Variants in PPARA observed in about 807,000 individuals in gnomAD.
PPARA encodes peroxisome proliferator-activated receptor alpha.
Under a neutral mutation model 42.2 loss-of-function variants are expected in PPARA, and 22 were observed. The observed-to-expected ratio is 0.52, with a 90% confidence interval of 0.37 to 0.74. PPARA has a LOEUF of 0.74. Among genes scored for constraint, PPARA ranks in the 30% least tolerant of loss-of-function variants. The pLI is 0.00. For missense variants in PPARA, 465 were observed against 608.2 expected, an observed-to-expected ratio of 0.76 and a Z score of 2.48; for synonymous variants, 242 against 239.3, an observed-to-expected ratio of 1.01 and a Z score of -0.10.
chr22:46,215,626 C>T (rs1046953059), intron 5 of PPARA, among the ~76,000 whole-genome samples: 1 of 151,888 alleles, frequency 6.6e-6, no homozygotes, highest in African/African-American at 2.4e-5. Flanking sequence ...CCTGTAAGCC[C>T]AGCTACTCGA....
Position 46,163,585 on chromosome 22 carries a change from T to G in PPARA, c.-127+11615T>G, listed in dbSNP as rs1926549483. On this transcript the variant is annotated intron_variant, in intron 2 of 8. Transcript: ENST00000407236. This position sits in a 1 kb window ranked among gnomAD's most constrained non-coding sequence, Gnocchi z 4.9. ...TTGATAGAAATGAGAGGTAGATGAT[T>G]CCCTAGACAAATGCAGGCCTTTCTC... 1 of 152,216 alleles carries G rather than the reference T, an allele frequency of 6.6e-6. No homozygotes were observed. Among genetic ancestry groups the G allele is most frequent in the South Asian group, 2.1e-4 (1 of 4,836 alleles). The allele number at this position is 152,216 out of a possible 1,614,324, so 9.4% of individuals were successfully genotyped here.
intron 3 of PPARA, among the ~76,000 whole-genome samples, chr22:46,189,957 G>A (rs368816560): frequency 6.6e-6 from 1 of 151,980 alleles, no homozygotes; most frequent in African/African-American, 2.4e-5. Flanking sequence ...CGCCCACCTC[G>A]GCCTCCCAAA....
intron 7 of PPARA, among the ~76,000 whole-genome samples, chr22:46,220,876 G>A (rs1934945992): frequency 1.3e-5 from 2 of 151,964 alleles, no homozygotes; most frequent in South Asian, 4.1e-4. Flanking sequence ...CCGGGAGGCA[G>A]AGGTTACAGC....
At chr22:46,186,072 C>A (rs1034642877) in intron 3 of PPARA, among the ~76,000 whole-genome samples, 1 of 148,770 alleles carries the variant, frequency 6.7e-6, no homozygotes, top group Non-Finnish European at 1.5e-5. Flanking sequence ...TGAGTTGGCC[C>A]CTAAAAGTTA....
At chr22:46,176,418 G>A (rs985780111) in intron 2 of PPARA, among the ~76,000 whole-genome samples, 10 of 149,822 alleles carry the variant, frequency 6.7e-5, no homozygotes, top group East Asian at 2.0e-4. Flanking sequence ...CCCAGGAGGC[G>A]GAGGTTACAA....
chr22:46,203,690 TCA>T lies in PPARA; in HGVS notation c.208+5102_208+5103del, dbSNP rs1932971228. Among the ~76,000 whole-genome samples the T allele has an allele frequency of 1.3e-5, 2 of 152,332 alleles. No individual in the cohort carries two copies. The highest frequency in any genetic ancestry group is 4.1e-4 in the South Asian group (2 of 4,830). ...GGGATCCTGCCAATGAGTTCCCAGC[TCA>T]CAGACTGATTAGCAGGCCACCACAC... On this transcript the variant is annotated intron_variant, in intron 4 of 8. Transcript: ENST00000407236. The surrounding 1 kb of genome is among the most constrained non-coding windows in gnomAD (Gnocchi z 5.8).
Position 46,216,157 on chromosome 22 carries a change from TG to T in PPARA, c.369+826del, listed in dbSNP as rs1934466658. On this transcript the variant is annotated intron_variant, in intron 5 of 8. Coordinates refer to ENST00000407236, the MANE Select transcript of PPARA (RefSeq NM_005036.6). The surrounding 1 kb of genome is among the most constrained non-coding windows in gnomAD (Gnocchi z 4.5). ...CAGCACTTTGGGAGGCCGAGGCGGCTGGATCACCTGAGGTCAGGAGTTCAAG... is the reference window on the plus strand; with the variant it reads ...CAGCACTTTGGGAGGCCGAGGCGGCTGATCACCTGAGGTCAGGAGTTCAAG... Among the ~76,000 whole-genome samples the T allele has an allele frequency of 6.6e-6, 1 of 152,106 alleles. No homozygotes were observed. Among genetic ancestry groups the T allele is most frequent in the East Asian group, 1.9e-4 (1 of 5,180 alleles).
At position 46,225,599 on chromosome 22, in the gene PPARA, TCACA is replaced by T. The variant is rs895868796; in HGVS notation, c.711+5588_711+5591del. ...CATGCTCACACACATGCACCCACAG[TCACA>T]CATCCATGCATGCATGTGTACACAA... is the stretch of plus-strand genomic sequence containing the variant. On this transcript the variant is annotated intron_variant, in intron 7 of 8. Transcript: ENST00000407236. This position sits in a 1 kb window ranked among gnomAD's most constrained non-coding sequence, Gnocchi z 4.1. Among the ~76,000 whole-genome samples the T allele has an allele frequency of 8.0e-6, 1 of 124,716 alleles. No individual in the cohort carries two copies. The highest frequency in any genetic ancestry group is 1.7e-5 in the Non-Finnish European group (1 of 57,218). 81.8% of individuals were successfully genotyped at this position (124,716 alleles called of 152,430 possible).
Position 46,240,459 on chromosome 22 carries a change from G to C in PPARA, c.*5079G>C. The C allele has an allele frequency of 2.5e-6, 1 of 392,478 alleles. No individual in the cohort carries two copies. Among genetic ancestry groups the C allele is most frequent in the Non-Finnish European group, 4.5e-6 (1 of 222,836 alleles). 24.3% of individuals were successfully genotyped at this position (392,478 alleles called of 1,614,324 possible). A position where few individuals can be genotyped will look rare whatever the true frequency, so the allele number is the denominator to read the frequency against. ...CCTTGTCCTCAGCTCCCATCTCCTG[G>C]ACTGCCAGCCTCACCCTCTGCAGTT... On this transcript the variant is annotated 3_prime_UTR_variant, in exon 9 of 9. Transcript: ENST00000407236. The surrounding 1 kb of genome is among the most constrained non-coding windows in gnomAD (Gnocchi z 6.0).
chr22:46,216,827 G>C lies in PPARA; in HGVS notation c.370-1436G>C, dbSNP rs1445822848. On this transcript the variant is annotated intron_variant, in intron 5 of 8. Transcript: ENST00000407236. This position sits in a 1 kb window ranked among gnomAD's most constrained non-coding sequence, Gnocchi z 4.5. ...GTTTGTCAGCGTGGTGATGAGGAGAGCTCCTGTAGCAGCGTCCCTTTAGGG... is the reference window on the plus strand; with the variant it reads ...GTTTGTCAGCGTGGTGATGAGGAGACCTCCTGTAGCAGCGTCCCTTTAGGG... Among the ~76,000 whole-genome samples, 1 of 152,218 alleles carries C rather than the reference G, an allele frequency of 6.6e-6. No individual in the cohort carries two copies. The highest frequency in any genetic ancestry group is 2.4e-5 in the African/African-American group (1 of 41,470).
rs1255191153 is a variant in PPARA at position 46,187,697 on chromosome 22, A to G, written c.-42-10645A>G. On this transcript the variant is annotated intron_variant, in intron 3 of 8. Transcript: ENST00000407236. This position sits in a 1 kb window ranked among gnomAD's most constrained non-coding sequence, Gnocchi z 4.9. ...GAAATCCAAACTCCTAAACATGGGGATTAACAATGTGCCATGATTGGCACT... is the reference window on the plus strand; with the variant it reads ...GAAATCCAAACTCCTAAACATGGGGGTTAACAATGTGCCATGATTGGCACT... Among the ~76,000 whole-genome samples the G allele has an allele frequency of 6.6e-6, 1 of 152,152 alleles. No homozygotes were observed. The highest frequency in any genetic ancestry group is 1.9e-4 in the East Asian group (1 of 5,190).
rs1381599959 is a variant in PPARA at position 46,161,878 on chromosome 22, C to CCA, written c.-127+9909_-127+9910insAC. Among the ~76,000 whole-genome samples, 6 of 152,170 alleles carry CCA rather than the reference C, an allele frequency of 3.9e-5. No individual in the cohort carries two copies. The highest frequency in any genetic ancestry group is 3.9e-4 in the Admixed American group (6 of 15,286). ...CACCCCCTCTGGCTCCACGAGGCCC[C>CCA]CTGTACGTCACCATCACCTTTGTGA... On this transcript the variant is annotated intron_variant, in intron 2 of 8. Coordinates refer to ENST00000407236, the MANE Select transcript of PPARA (RefSeq NM_005036.6). This position sits in a 1 kb window ranked among gnomAD's most constrained non-coding sequence, Gnocchi z 4.8.
At position 46,212,767 on chromosome 22, in the gene PPARA, G is replaced by A. The variant is rs1023597814; in HGVS notation, c.209-2406G>A. Among the ~76,000 whole-genome samples, 14 of 152,132 alleles carry A rather than the reference G, an allele frequency of 9.2e-5. No homozygotes were observed. The highest frequency in any genetic ancestry group is 3.2e-3 in the Middle Eastern group (1 of 316). On this transcript the variant is annotated intron_variant, in intron 4 of 8. Coordinates refer to ENST00000407236, the MANE Select transcript of PPARA (RefSeq NM_005036.6). This position sits in a 1 kb window ranked among gnomAD's most constrained non-coding sequence, Gnocchi z 4.2. ...TCCCAGCATTTTGGGAGGCCAAGGC[G>A]GGCAGATCACTTGAGGTCAGGAGTT...
chr22:46,219,410 G>A lies in PPARA; in HGVS notation c.509-402G>A, dbSNP rs1274541224. Among the ~76,000 whole-genome samples the A allele has an allele frequency of 6.6e-6, 1 of 152,208 alleles. No homozygotes were observed. Among genetic ancestry groups the A allele is most frequent in the African/African-American group, 2.4e-5 (1 of 41,452 alleles). On this transcript the variant is annotated intron_variant, in intron 6 of 8. Transcript: ENST00000407236. The surrounding 1 kb of genome is among the most constrained non-coding windows in gnomAD (Gnocchi z 4.8). The stretch of plus-strand genomic sequence containing the variant: ...AGAACATGCTAATTGTGATGTGAAT[G>A]TAAGTCGTTCATAAGAGTTGCATGT...
intron 2 of PPARA, chr22:46,164,432 T>C (rs1373102815): frequency 6.6e-6 from 1 of 152,098 alleles, no homozygotes; most frequent in Non-Finnish European, 1.5e-5. Flanking sequence ...TTTGTATTTT[T>C]AGTAGAGACA....
chr22:46,168,613 T>A (rs893965761), intron 2 of PPARA, among the ~76,000 whole-genome samples: 1 of 151,830 alleles, frequency 6.6e-6, no homozygotes, highest in South Asian at 2.1e-4. Context: ...ATGAACTAAC[T>A]CTTCAACAAT....
Position 46,180,170 on chromosome 22 carries a change from C to T in PPARA, c.-43+3334C>T, listed in dbSNP as rs1454936629. ...ACAGGAAGGTAAAATGATACAAACA[C>T]ATTGAAAAACAGGTTGGCAGTTGCT... On this transcript the variant is annotated intron_variant, in intron 3 of 8. Coordinates refer to ENST00000407236, the MANE Select transcript of PPARA (RefSeq NM_005036.6). The surrounding 1 kb of genome is among the most constrained non-coding windows in gnomAD (Gnocchi z 4.2). Among the ~76,000 whole-genome samples, 1 of 149,688 alleles carries T rather than the reference C, an allele frequency of 6.7e-6. No individual in the cohort carries two copies. The highest frequency in any genetic ancestry group is 2.1e-4 in the South Asian group (1 of 4,766).
chr22:46,177,069 G>GT (rs1415441643), intron 3 of PPARA, among the ~76,000 whole-genome samples: 2 of 151,994 alleles, frequency 1.3e-5, no homozygotes, highest in Non-Finnish European at 2.9e-5. Flanking sequence ...AAATTAGCCG[G>GT]GCATGGTGGC....
chr22:46,211,355 C>A lies in PPARA; in HGVS notation c.209-3818C>A, dbSNP rs1933911541. 6.6e-6 allele frequency among the ~76,000 whole-genome samples: 1 copy of A among 152,154 alleles called. No individual in the cohort carries two copies. The highest frequency in any genetic ancestry group is 1.5e-5 in the Non-Finnish European group (1 of 68,028). On this transcript the variant is annotated intron_variant, in intron 4 of 8. Coordinates refer to ENST00000407236, the MANE Select transcript of PPARA (RefSeq NM_005036.6). The surrounding 1 kb of genome is among the most constrained non-coding windows in gnomAD (Gnocchi z 4.1). The stretch of plus-strand genomic sequence containing the variant: ...TGCACAGTGGTATCAGAACTGTTAA[C>A]CCACACCCTGTGGGAAAAAAACTCC...
Sources: gnomAD v4.1 joint callset for allele counts (sites outside exome capture counted in the v4.1 genomes callset) on GRCh38, gnomAD v4.1.1 for gene constraint, Gnocchi (gnomAD v3.1) non-coding constraint, MANE v1.5 for transcripts, NCBI Gene and HGNC (gene_info 2026-07-23, HGNC 2026-07-21) for gene names.